Variants in MRPL44 observed in about 807,000 individuals in gnomAD.
MRPL44 encodes large ribosomal subunit protein mL44.
A neutral mutation model predicts 25.9 loss-of-function variants in MRPL44; 21 were observed. That is an observed-to-expected ratio of 0.81 (90% CI 0.58 to 1.17). The LOEUF (loss-of-function observed/expected upper bound fraction) is 1.17, where lower values mean the gene tolerates loss of function less well. Ranked by LOEUF, MRPL44 falls within the 50% of genes most tolerant of loss-of-function variation. The pLI is 0.00. For synonymous variants in MRPL44, 169 were observed against 151.0 expected (o/e 1.12, Z -0.87); for missense variants, 410 against 398.9 (o/e 1.03, Z -0.24).
chr2:223,965,632 TGAAG>T (rs1178321702), intron 3 of MRPL44: 4 of 152,188 alleles, frequency 2.6e-5, no homozygotes, highest in African/African-American at 9.6e-5. Context: ...TTTGCTCCCT[TGAAG>T]GAACATTTTA....
At chr2:223,952,336 G>A in the MRPL44 span, among the ~76,000 whole-genome samples, 92 of 152,298 alleles carry the variant, frequency 6.0e-4, no homozygotes, top group African/African-American at 2.1e-3. Flanking sequence ...GCCCTCAACA[G>A]GCAGTCTCTG....
the MRPL44 span, among the ~76,000 whole-genome samples, chr2:223,952,304 A>G: frequency 6.6e-6 from 1 of 152,124 alleles, no homozygotes; most frequent in Non-Finnish European, 1.5e-5. Flanking sequence ...CCCACTGGCT[A>G]TAGCTTCCCT....
upstream of MRPL44, among the ~76,000 whole-genome samples, chr2:223,954,590 C>T (rs1298849190): frequency 1.3e-5 from 2 of 152,178 alleles, no homozygotes; most frequent in South Asian, 2.1e-4. Flanking sequence ...TGGCTGTTAG[C>T]GGGAGGCCTC....
rs973479139 is a variant in MRPL44, at chr2:223,967,359, A to G, written c.*325A>G. ...GCGATTCTCGTGGCTCAGCCTCCCT[A>G]GTAGCTGGGATTACAGGCACACACC... On this transcript the variant is annotated 3_prime_UTR_variant, in exon 4 of 4. Coordinates refer to ENST00000258383, the MANE Select transcript of MRPL44 (RefSeq NM_022915.5). 2.7e-5 allele frequency: 5 copies of G among 182,198 alleles called. No individual in the cohort carries two copies. Among genetic ancestry groups the G allele is most frequent in the Non-Finnish European group, 1.1e-5 (1 of 87,322 alleles). 11.3% of individuals were successfully genotyped at this position (182,198 alleles called of 1,614,324 possible). A position where few individuals can be genotyped will look rare whatever the true frequency, so the allele number is the denominator to read the frequency against.
intron 2 of MRPL44, among the ~76,000 whole-genome samples, chr2:223,961,031 A>G (rs73992135): frequency 0.01 from 1,565 of 152,264 alleles, 24 homozygotes; most frequent in African/African-American, 0.035. Context: ...ACAGGTTTGT[A>G]TTGTCCTGTT....
At chr2:223,959,511 T>A in intron 1 of MRPL44, 23 bp from the exon 2 acceptor site, 1 of 1,562,590 alleles carries the variant, frequency 6.4e-7, no homozygotes, top group Middle Eastern at 2.0e-4. Context: ...CTTTACCATC[T>A]CTTACTGTCT....
intron 1 of MRPL44, among the ~76,000 whole-genome samples, chr2:223,958,697 A>T (rs925548484): frequency 1.3e-5 from 2 of 152,222 alleles, no homozygotes; most frequent in Non-Finnish European, 2.9e-5. Context: ...TAAAGTATAC[A>T]GGAGGATGTG....
At chr2:223,965,142 G>T (rs771797573) in intron 3 of MRPL44, among the ~76,000 whole-genome samples, 1 of 151,976 alleles carries the variant, frequency 6.6e-6, no homozygotes, top group African/African-American at 2.4e-5. Flanking sequence ...TTTTTAAAAC[G>T]TGATCAGTGA....
At chr2:223,957,385 T>C (rs1435979185), upstream of MRPL44, 1 of 1,545,262 alleles carries the variant, frequency 6.5e-7, no homozygotes, top group Non-Finnish European at 8.9e-7. Context: ...TCTCTTCGCG[T>C]TCCGCGTTCC....
At chr2:223,965,416 A>T (rs1272149304) in intron 3 of MRPL44, among the ~76,000 whole-genome samples, 3 of 152,190 alleles carry the variant, frequency 2.0e-5, no homozygotes, top group Non-Finnish European at 4.4e-5. Flanking sequence ...AAATCAGCTT[A>T]TATTGAATCT....
Position 223,959,552 on chromosome 2 carries a change from G to C in MRPL44, c.198G>C (p.Trp66Cys). 1.9e-6 allele frequency: 3 copies of C among 1,610,680 alleles called. No individual in the cohort carries two copies. Among genetic ancestry groups the C allele is most frequent in the South Asian group, 2.2e-5 (2 of 90,520 alleles). The stretch of plus-strand genomic sequence containing the variant: ...TTTTCAGTTCAGAGAAGCCGAACTG[G>C]GATTACCATGCAGAAATACAAGCTT... Reference protein sequence around the residue: ...PPVRRSEKPNWDYHAEIQAFG... With the variant: ...PPVRRSEKPNCDYHAEIQAFG... Residue 66 changes from tryptophan to cysteine, a missense_variant, in exon 2 of 4, where the codon TGG (tryptophan) becomes TGC (cysteine). Transcript: ENST00000258383.
At chr2:223,952,061 C>T in the MRPL44 span, among the ~76,000 whole-genome samples, 1 of 152,292 alleles carries the variant, frequency 6.6e-6, no homozygotes, top group South Asian at 2.1e-4. Flanking sequence ...CACAGGCTAG[C>T]CGTTTGCCTA....
At chr2:223,950,948 G>A in the MRPL44 span, among the ~76,000 whole-genome samples, 1 of 152,206 alleles carries the variant, frequency 6.6e-6, no homozygotes, top group Non-Finnish European at 1.5e-5. Context: ...ATAACGAAGA[G>A]GTACAAGGAC....
At chr2:223,958,346 G>A (rs1323291470) in intron 1 of MRPL44, among the ~76,000 whole-genome samples, 1 of 152,126 alleles carries the variant, frequency 6.6e-6, no homozygotes, top group Non-Finnish European at 1.5e-5. Context: ...TAAAGGGGAC[G>A]CATGTGTAGT....
intron 1 of MRPL44, 70 bp downstream of exon 1, chr2:223,957,721 G>A: frequency 6.7e-7 from 1 of 1,496,258 alleles, no homozygotes; most frequent in Non-Finnish European, 8.9e-7. Flanking sequence ...CCGCGGCGTC[G>A]TGTCTGCGGC....
chr2:223,951,814 C>T, the MRPL44 span, among the ~76,000 whole-genome samples: 4 of 152,048 alleles, frequency 2.6e-5, no homozygotes, highest in East Asian at 1.9e-4. Flanking sequence ...ATGTCTATCC[C>T]GCCATCACCT....
At chr2:223,955,752 A>G (rs991658106), upstream of MRPL44, among the ~76,000 whole-genome samples, 3 of 152,232 alleles carry the variant, frequency 2.0e-5, no homozygotes, top group African/African-American at 7.2e-5. Context: ...GTTAAAGGAA[A>G]AATCAGGTTT....
chr2:223,956,956 G>A (rs1455930959), upstream of MRPL44, among the ~76,000 whole-genome samples: 2 of 152,140 alleles, frequency 1.3e-5, no homozygotes, highest in Non-Finnish European at 2.9e-5. Context: ...TTTTGGATAA[G>A]CCAACATTTC....
At chr2:223,957,754 T>C in intron 1 of MRPL44, 103 bp downstream of exon 1, 2 of 1,334,674 alleles carry the variant, frequency 1.5e-6, no homozygotes, top group South Asian at 1.5e-5. Context: ...GGGTTAAGCC[T>C]TAGGAAGTTT....
Sources: gnomAD v4.1 joint callset for allele counts (sites outside exome capture counted in the v4.1 genomes callset) on GRCh38, gnomAD v4.1.1 for gene constraint, MANE v1.5 for transcripts, NCBI Gene and HGNC (gene_info 2026-07-23, HGNC 2026-07-21) for gene names.